KNG1: variants seen among roughly 807,000 people sequenced by gnomAD.
KNG1 encodes the protein kininogen-1.
KNG1 carries 23 observed loss-of-function variants against 47.8 expected under a neutral mutation model. That is an observed-to-expected ratio of 0.48 (90% CI 0.35 to 0.68). The LOEUF is 0.68. Ranked by LOEUF, KNG1 falls within the 30% of genes least tolerant of loss-of-function variation. KNG1 has a pLI of 0.01. For missense variants in KNG1, 762 were observed against 790.2 expected (o/e 0.96, Z 0.43); for synonymous variants, 277 against 277.0 (o/e 1.00, Z 0.00).
intron 9 of KNG1, 41 bp downstream of exon 9, chr3:186,739,455 C>A: frequency 1.5e-6 from 2 of 1,329,286 alleles, no homozygotes; most frequent in South Asian, 2.3e-5. Context: ...CAGTTCTGCT[C>A]ATTCTGAAAA....
At chr3:186,730,981 G>A (rs1720516540) in intron 5 of KNG1, among the ~76,000 whole-genome samples, 1 of 151,002 alleles carries the variant, frequency 6.6e-6, no homozygotes, top group Non-Finnish European at 1.5e-5. Context: ...TTCTATTCAC[G>A]TGTAATTTTT....
chr3:186,733,733 C>T (rs1720600787), intron 7 of KNG1, among the ~76,000 whole-genome samples: 1 of 152,156 alleles, frequency 6.6e-6, no homozygotes, highest in South Asian at 2.1e-4. Context: ...CTTTGGGAGG[C>T]TGAGGCAGGC....
At chr3:186,725,659 C>T (rs1008826011) in intron 4 of KNG1, among the ~76,000 whole-genome samples, 1 of 149,500 alleles carries the variant, frequency 6.7e-6, no homozygotes, top group African/African-American at 2.5e-5. Flanking sequence ...ATTCTCCTGC[C>T]TCAGCCTCCT....
chr3:186,720,439 AG>A (rs1186718010), intron 2 of KNG1: 2 of 465,574 alleles, frequency 4.3e-6, no homozygotes, highest in African/African-American at 4.0e-5. Context: ...TTCCATGAGA[AG>A]GGGGCTCTAG....
At chr3:186,741,100 T>A (rs1017127458) in intron 9 of KNG1, among the ~76,000 whole-genome samples, 1 of 152,072 alleles carries the variant, frequency 6.6e-6, no homozygotes, top group Non-Finnish European at 1.5e-5. Flanking sequence ...TTCAAGCAAT[T>A]CTCCTGCCTC....
intron 2 of KNG1, among the ~76,000 whole-genome samples, chr3:186,720,784 CTTTTTTT>C (rs1167537831): frequency 5.6e-5 from 5 of 89,752 alleles, no homozygotes; most frequent in Middle Eastern, 9.4e-3. Context: ...TGTTGTTTTG[CTTTTTTT>C]TTTTTTTTTT....
At chr3:186,721,525 T>G (rs1315066236) in intron 2 of KNG1, 2 of 152,278 alleles carry the variant, frequency 1.3e-5, no homozygotes, top group African/African-American at 4.8e-5. Flanking sequence ...GTAGGCATTT[T>G]GTGTGTGTTT....
At chr3:186,718,965 T>A (rs138548045) in intron 1 of KNG1, among the ~76,000 whole-genome samples, 72 of 151,956 alleles carry the variant, frequency 4.7e-4, no homozygotes, top group African/African-American at 1.6e-3. Context: ...AGACTATATC[T>A]CTGGGAATGT....
At position 186,725,190 on chromosome 3, in the gene KNG1, A is replaced by G. The variant is rs1419738267; in HGVS notation, c.494A>G (p.Gln165Arg). ...DLEPILRHGI[Q>R]YFNNNTQHSS... is the part of the protein sequence containing the mutation. ...GAGCCCATTCTGAGACACGGCATTC[A>G]GTACTTTAACAACAACACTCAACAT... The change falls in exon 4 of 10, where the codon CAG becomes CGG. Residue 165 changes from glutamine (Q) to arginine (R), a missense_variant. Gln to Arg is a conservative substitution (Grantham distance 43). Coordinates refer to ENST00000644859, the MANE Select transcript of KNG1 (RefSeq NM_001102416.3). The G allele has an allele frequency of 1.2e-6, 2 of 1,614,186 alleles. No homozygotes were observed. Among genetic ancestry groups the G allele is most frequent in the Non-Finnish European group, 8.5e-7 (1 of 1,180,008 alleles).
At position 186,731,565 on chromosome 3, in the gene KNG1, T is replaced by C. The variant is rs1350240276; in HGVS notation, c.693T>C (p.Asp231=). The C allele has an allele frequency of 1.9e-6, 3 of 1,609,834 alleles. No homozygotes were observed. The highest frequency in any genetic ancestry group is 2.6e-6 in the Non-Finnish European group (3 of 1,176,058). Residue 231 remains aspartate (D), a synonymous_variant, in exon 6 of 10, where the codon GAT becomes GAC. Coordinates refer to ENST00000644859, the MANE Select transcript of KNG1 (RefSeq NM_001102416.3). ...LWNGDTGECT[D]NAYIDIQLRI... is the part of the protein sequence containing the mutation. ...ACCAGGATACCGGTGAATGTACAGA[T>C]AATGCATACATCGATATTCAGCTAC...
chr3:186,720,082 A>G, intron 1 of KNG1, 23 bp from the exon 2 acceptor site: 1 of 1,501,328 alleles, frequency 6.7e-7, no homozygotes, highest in Non-Finnish European at 9.3e-7. Context: ...GATGAACCCT[A>G]AGTATCTTTG....
rs1349184279 is a variant in KNG1 at position 186,743,489 on chromosome 3, G to C, written c.*1158G>C. The C allele has an allele frequency of 5.3e-6, 3 of 563,452 alleles. No individual in the cohort carries two copies. Among genetic ancestry groups the C allele is most frequent in the Non-Finnish European group, 9.5e-6 (3 of 314,814 alleles). 34.9% of individuals were successfully genotyped at this position (563,452 alleles called of 1,614,324 possible). A position where few individuals can be genotyped will look rare whatever the true frequency, so the allele number is the denominator to read the frequency against. ...GAAAAACAAGATATGGCTTTAAATA[G>C]CTACAATCATCTTTGGATGTATATG... On this transcript the variant is annotated 3_prime_UTR_variant, in exon 10 of 10. Coordinates refer to ENST00000644859, the MANE Select transcript of KNG1 (RefSeq NM_001102416.3).
rs897880686 is a variant in KNG1, at chr3:186,732,566, C to T, written c.822C>T (p.Asn274=). Residue 274 remains asparagine (N), a synonymous_variant, in exon 7 of 10, where the codon AAC becomes AAT. Transcript: ENST00000644859. ...GCTGCCCCAGAGATATACCCACCAA[C>T]AGCCCAGAGCTGGAGGAGACACTGA... ...CVGCPRDIPT[N]SPELEETLTH... 1.9e-6 allele frequency: 3 copies of T among 1,613,980 alleles called. No individual in the cohort carries two copies. The highest frequency in any genetic ancestry group is 2.5e-6 in the Non-Finnish European group (3 of 1,179,968).
At chr3:186,730,049 G>C (rs1720471504) in intron 5 of KNG1, among the ~76,000 whole-genome samples, 1 of 150,468 alleles carries the variant, frequency 6.6e-6, no homozygotes, top group African/African-American at 2.5e-5. Flanking sequence ...TGTTCTATTT[G>C]TTTTTCTCCC....
At position 186,717,752 on chromosome 3, in the gene KNG1, T is replaced by C. The variant is rs1379037914; in HGVS notation, c.195+15T>C. 1.2e-6 allele frequency: 2 copies of C among 1,600,574 alleles called. No individual in the cohort carries two copies. The highest frequency in any genetic ancestry group is 1.3e-5 in the African/African-American group (1 of 74,592). On this transcript the variant is annotated intron_variant, in intron 1 of 9. Transcript: ENST00000644859. Reference sequence around the variant, plus strand: ...CCACTAAGACGGTGAGTGAATTGTGTTTAACCTTGAAGTCACTTGGGATTT... The same window carrying C: ...CCACTAAGACGGTGAGTGAATTGTGCTTAACCTTGAAGTCACTTGGGATTT...
rs746309243 is a variant in KNG1 at position 186,741,792 on chromosome 3, G to A, written c.1396G>A (p.Glu466Lys). 8 of 1,613,896 alleles carry A rather than the reference G, an allele frequency of 5.0e-6. No individual in the cohort carries two copies. The highest frequency in any genetic ancestry group is 4.5e-5 in the East Asian group (2 of 44,874). ...AGGACATGGCCTTGGCCATGGACACGAACAACAGCATGGTCTTGGTCATGG... is the reference window on the plus strand; with the variant it reads ...AGGACATGGCCTTGGCCATGGACACAAACAACAGCATGGTCTTGGTCATGG... ...QRGHGLGHGH[E>K]QQHGLGHGHK... Residue 466 changes from glutamate (E) to lysine (K), a missense_variant, in exon 10 of 10, where the codon GAA (glutamate) becomes AAA (lysine). By Grantham distance (56) the Glu-to-Lys change is moderately conservative. Coordinates refer to ENST00000644859, the MANE Select transcript of KNG1 (RefSeq NM_001102416.3).
intron 7 of KNG1, among the ~76,000 whole-genome samples, chr3:186,735,641 GAATT>G (rs138610068): frequency 0.092 from 13,896 of 151,546 alleles, 764 homozygotes; most frequent in South Asian, 0.19. Flanking sequence ...AAAAAAAAAA[GAATT>G]AAAAAATTAG....
At position 186,717,567 on chromosome 3, in the gene KNG1, C is replaced by A. The variant is rs756693676; in HGVS notation, c.25C>A (p.Leu9Ile). MKLITILF[L>I]CSRLLLSLTQ... ...CATGAAACTAATTACCATCCTTTTC[C>A]TCTGCTCCAGGCTGCTACTAAGTTT... is the stretch of plus-strand genomic sequence containing the variant. Residue 9 changes from leucine to isoleucine, a missense_variant, in exon 1 of 10, where the codon CTC (leucine) becomes ATC (isoleucine). Coordinates refer to ENST00000644859, the MANE Select transcript of KNG1 (RefSeq NM_001102416.3). 2.9e-5 allele frequency: 46 copies of A among 1,611,920 alleles called. No homozygotes were observed. In the South Asian group the frequency reaches 5.1e-4, roughly 18 times the overall value.
At chr3:186,735,353 C>T (rs1243530706) in intron 7 of KNG1, among the ~76,000 whole-genome samples, 1 of 152,112 alleles carries the variant, frequency 6.6e-6, no homozygotes. Context: ...CGTGGTGGCT[C>T]ATGCCTGTAA....
Sources: gnomAD v4.1 joint callset for allele counts (sites outside exome capture counted in the v4.1 genomes callset) on GRCh38, gnomAD v4.1.1 for gene constraint, MANE v1.5 for transcripts, NCBI Gene and HGNC (gene_info 2026-07-23, HGNC 2026-07-21) for gene names.